The following SNX13 variants were observed in gnomAD, a reference collection of about 807,000 sequenced individuals.
The protein encoded by SNX13 is sorting nexin 13, also known as sorting nexin-13.
In SNX13, 45 loss-of-function variants were observed where a neutral mutation model predicts 133.6. The ratio of observed to expected loss-of-function variants is 0.34; its 90% CI spans 0.27 to 0.43. The LOEUF (loss-of-function observed/expected upper bound fraction) is 0.43. SNX13 is among the 20% of genes least tolerant of loss of function. SNX13 has a pLI of 1.00. For missense variants in SNX13, 1,032 were observed against 1,145.1 expected (o/e 0.90, Z 1.43); for synonymous variants, 414 against 373.9 (o/e 1.11, Z -1.24).
chr7:17,815,020 T>G, intron 19 of SNX13, 76 bp from the exon 20 acceptor site: 1 of 1,317,532 alleles, frequency 7.6e-7, no homozygotes. Flanking sequence ...GTTTATAATT[T>G]TAGCTCATAA....
In SNX13 at chr7:17,847,935, AG is replaced by A. The variant is rs200630739; in HGVS notation, c.1066-2242del. ...TGGCTTCTGAGATATTATTAGGGAC[AG>A]GGGGCACAAAATTCTAGGCAGAAAA... On this transcript the variant is annotated intron_variant, in intron 11 of 25. Coordinates refer to ENST00000428135, the MANE Select transcript of SNX13 (RefSeq NM_015132.5). Among the ~76,000 whole-genome samples the A allele has an allele frequency of 2.8e-3, 429 of 152,286 alleles. 12 individuals carry two copies. Among genetic ancestry groups the A allele is most frequent in the Admixed American group, 0.025 (387 of 15,294 alleles).
intron 1 of SNX13, among the ~76,000 whole-genome samples, chr7:17,908,198 T>C (rs182421804): frequency 3.3e-5 from 5 of 152,316 alleles, no homozygotes; most frequent in African/African-American, 9.6e-5. Flanking sequence ...TTCAGCCAAT[T>C]AGCTATCAGG....
At chr7:17,819,219 T>C (rs1379125550) in intron 18 of SNX13, among the ~76,000 whole-genome samples, 1 of 152,152 alleles carries the variant, frequency 6.6e-6, no homozygotes, top group Non-Finnish European at 1.5e-5. Flanking sequence ...TGATAGCTCA[T>C]ACATTTAGCT....
rs116921453 is a variant in SNX13 at position 17,792,495 on chromosome 7, C to T, written c.*1550G>A. 0.032 allele frequency: 4,826 copies of T among 152,350 alleles called. 86 individuals carry two copies. The highest frequency in any genetic ancestry group is 0.059 in the South Asian group (286 of 4,816). The allele number at this position is 152,350 out of a possible 1,614,324, so 9.4% of individuals were successfully genotyped here. On this transcript the variant is annotated 3_prime_UTR_variant, in exon 26 of 26. Coordinates refer to ENST00000428135, the MANE Select transcript of SNX13 (RefSeq NM_015132.5). The stretch of plus-strand genomic sequence containing the variant: ...AAGGAAGGCTTTATTCTGTTAATAA[C>T]CCTCACTTTGTAAGTAGGATCTAAG...
At chr7:17,897,519 T>A in intron 1 of SNX13, 73 bp from the exon 2 acceptor site, 1 of 777,894 alleles carries the variant, frequency 1.3e-6, no homozygotes, top group Non-Finnish European at 1.9e-6. Flanking sequence ...CCAACAAAAC[T>A]TTTACATAGT....
At chr7:17,801,684 A>G in intron 21 of SNX13, 25 bp from the exon 22 acceptor site, 1 of 1,555,002 alleles carries the variant, frequency 6.4e-7, no homozygotes, top group Non-Finnish European at 8.8e-7. Flanking sequence ...AAATCCACAA[A>G]GTAAACACAC....
intron 16 of SNX13, among the ~76,000 whole-genome samples, chr7:17,827,255 G>C (rs1037722415): frequency 3.9e-5 from 6 of 151,964 alleles, no homozygotes; most frequent in Non-Finnish European, 1.5e-5. Flanking sequence ...CTGAGCCTGG[G>C]AGTGGTCTTG....
At chr7:17,799,206 A>AT in intron 22 of SNX13, 52 bp from the exon 23 acceptor site, 1 of 1,437,486 alleles carries the variant, frequency 7.0e-7, no homozygotes, top group Non-Finnish European at 9.3e-7. Context: ...TCTACTATGA[A>AT]TTGTTACTTT....
At chr7:17,869,988 C>T (rs1793882377) in intron 8 of SNX13, among the ~76,000 whole-genome samples, 1 of 152,016 alleles carries the variant, frequency 6.6e-6, no homozygotes, top group Non-Finnish European at 1.5e-5. Context: ...TTAGTTGGTG[C>T]AATGAGTCGA....
At chr7:17,876,293 G>C (rs1259675553) in intron 5 of SNX13, among the ~76,000 whole-genome samples, 1 of 152,120 alleles carries the variant, frequency 6.6e-6, no homozygotes, top group African/African-American at 2.4e-5. Flanking sequence ...TTAAAAACTT[G>C]GCCATGGCCA....
chr7:17,817,590 T>C (rs900156795), intron 18 of SNX13, among the ~76,000 whole-genome samples: 1 of 152,162 alleles, frequency 6.6e-6, no homozygotes, highest in African/African-American at 2.4e-5. Context: ...ATGTTACACA[T>C]GAAAGGTAAA....
intron 1 of SNX13, among the ~76,000 whole-genome samples, chr7:17,902,209 T>C (rs1215684845): frequency 3.3e-5 from 5 of 150,070 alleles, no homozygotes; most frequent in Non-Finnish European, 3.0e-5. Context: ...CAGGTGATAA[T>C]TTAACAGTGA....
chr7:17,919,641 CGA>C (rs1467753411), intron 1 of SNX13, among the ~76,000 whole-genome samples: 2 of 152,066 alleles, frequency 1.3e-5, no homozygotes, highest in Non-Finnish European at 2.9e-5. Flanking sequence ...AACAAATACC[CGA>C]GTTTTAGAAA....
chr7:17,871,776 G>C (rs1018864234), intron 8 of SNX13, among the ~76,000 whole-genome samples: 9 of 152,128 alleles, frequency 5.9e-5, no homozygotes, highest in African/African-American at 2.2e-4. Context: ...TTCCCCTACT[G>C]CAACAGTTGC....
intron 9 of SNX13, among the ~76,000 whole-genome samples, chr7:17,861,624 C>T (rs1008812410): frequency 2.6e-5 from 4 of 152,100 alleles, no homozygotes; most frequent in African/African-American, 7.2e-5. Flanking sequence ...TGGTGGAATG[C>T]CCCCAGAAAA....
chr7:17,904,528 C>T (rs1798187790), intron 1 of SNX13, among the ~76,000 whole-genome samples: 1 of 152,158 alleles, frequency 6.6e-6, no homozygotes, highest in Non-Finnish European at 1.5e-5. Context: ...TTTAGATCAG[C>T]TGTTTTATAC....
At chr7:17,938,073 T>C (rs779726248) in intron 1 of SNX13, among the ~76,000 whole-genome samples, 4 of 152,184 alleles carry the variant, frequency 2.6e-5, no homozygotes, top group South Asian at 2.1e-4. Context: ...ACTAATTTTG[T>C]AGTAGCCAAT....
At chr7:17,926,306 C>G (rs751415943) in intron 1 of SNX13, among the ~76,000 whole-genome samples, 8 of 151,710 alleles carry the variant, frequency 5.3e-5, no homozygotes, top group Non-Finnish European at 1.0e-4. Flanking sequence ...TATTTTTCCC[C>G]TACAAAACAC....
In SNX13 at chr7:17,875,723, G is replaced by A; in HGVS notation, c.508C>T (p.Arg170Ter). 1.9e-6 allele frequency: 3 copies of A among 1,612,408 alleles called. No homozygotes were observed. The highest frequency in any genetic ancestry group is 1.7e-6 in the Non-Finnish European group (2 of 1,179,086). Reference protein sequence around the residue: ...RIVDDFGTHLRVFRKAQQKIT... With the variant: ...RIVDDFGTHL Reference sequence around the variant, plus strand: ...TTCTGTTGAGCCTTTCTGAATACTCGTAAGTGTGTGCCAAAGTCATCTACA... The same window carrying A: ...TTCTGTTGAGCCTTTCTGAATACTCATAAGTGTGTGCCAAAGTCATCTACA... Residue 170 changes from arginine to a stop codon, truncating the protein, a stop_gained, in exon 6 of 26, where the codon CGA becomes TGA. Transcript: ENST00000428135. LOFTEE classifies it high-confidence loss of function.
Sources: gnomAD v4.1 joint callset for allele counts (sites outside exome capture counted in the v4.1 genomes callset) on GRCh38, gnomAD v4.1.1 for gene constraint, MANE v1.5 for transcripts, NCBI Gene and HGNC (gene_info 2026-07-23, HGNC 2026-07-21) for gene names.